Variants in RMDN2 observed in about 807,000 individuals in gnomAD.
RMDN2 encodes the protein regulator of microtubule dynamics 2.
Under a neutral mutation model 52.8 loss-of-function variants are expected in RMDN2, and 61 were observed. That is an observed-to-expected ratio of 1.16 (90% CI 0.94 to 1.43). The LOEUF is 1.43. Among genes scored for constraint, RMDN2 ranks in the 40% most tolerant of loss-of-function variants. The pLI is 0.00. For missense variants in RMDN2, 592 were observed against 475.3 expected, an observed-to-expected ratio of 1.25 and a Z score of -2.28; for synonymous variants, 180 against 153.1, an observed-to-expected ratio of 1.18 and a Z score of -1.30.
intron 7 of RMDN2, among the ~76,000 whole-genome samples, chr2:37,995,009 AG>A (rs894254890): frequency 2.2e-4 from 34 of 152,168 alleles, no homozygotes; most frequent in Admixed American, 6.5e-5. Context: ...TTGACAGCAA[AG>A]GGGTATGAGA....
chr2:38,009,195 T>C (rs114532484), intron 10 of RMDN2, among the ~76,000 whole-genome samples: 19,845 of 152,222 alleles, frequency 0.13, 1,527 homozygotes, highest in Non-Finnish European at 0.17. Context: ...GGAGTTAGTC[T>C]TCTCGAGGAG....
intron 5 of RMDN2, among the ~76,000 whole-genome samples, chr2:37,982,179 C>T (rs772604146): frequency 2.0e-5 from 3 of 152,180 alleles, no homozygotes; most frequent in Non-Finnish European, 4.4e-5. Context: ...GACTCCCTTT[C>T]CACAGGTCCA....
intron 10 of RMDN2, 32 bp downstream of exon 10, chr2:38,004,248 G>A: frequency 6.9e-7 from 1 of 1,440,602 alleles, no homozygotes. Context: ...GAGTGCTGTT[G>A]TCTTGTTAGT....
At chr2:37,924,590 T>C (rs1293802358), upstream of RMDN2, among the ~76,000 whole-genome samples, 1 of 151,774 alleles carries the variant, frequency 6.6e-6, no homozygotes, top group Non-Finnish European at 1.5e-5. Context: ...TGGTCTCGAA[T>C]TCCTGACCTC....
At chr2:38,019,882 G>A (rs1679208439), downstream of RMDN2, among the ~76,000 whole-genome samples, 1 of 152,074 alleles carries the variant, frequency 6.6e-6, no homozygotes, top group South Asian at 2.1e-4. Context: ...CTGTAATTGC[G>A]CCACTACACT....
intron 2 of RMDN2, among the ~76,000 whole-genome samples, chr2:37,959,460 C>T (rs983366278): frequency 2.0e-5 from 3 of 151,020 alleles, no homozygotes; most frequent in African/African-American, 7.4e-5. Flanking sequence ...ATAGTACTCT[C>T]TGATGGTAGT....
Position 38,017,497 on chromosome 2 carries a change from A to G in RMDN2, c.*258A>G. On this transcript the variant is annotated 3_prime_UTR_variant, in exon 11 of 11. Transcript: ENST00000354545. ...TATATTTTTCTTATCAATAAACTGC[A>G]GCCTTAAGAATATTTCTTTAAATAA... 9.2e-7 allele frequency: 1 copy of G among 1,082,010 alleles called. No homozygotes were observed. Among genetic ancestry groups the G allele is most frequent in the Non-Finnish European group, 1.2e-6 (1 of 811,744 alleles). The allele number at this position is 1,082,010 out of a possible 1,614,324, so 67.0% of individuals were successfully genotyped here.
chr2:38,030,503 T>C (rs1042205964), intron 10 of RMDN2: 3 of 152,210 alleles, frequency 2.0e-5, no homozygotes, highest in African/African-American at 7.2e-5. Context: ...AAGTAAAAGA[T>C]GACTGATGAT....
chr2:38,006,808 T>A (rs1677159820), intron 10 of RMDN2, among the ~76,000 whole-genome samples: 1 of 152,138 alleles, frequency 6.6e-6, no homozygotes, highest in South Asian at 2.1e-4. Flanking sequence ...TGCTTCCAGT[T>A]TTTGCCCATT....
intron 9 of RMDN2, 37 bp from the exon 10 acceptor site, chr2:38,004,099 C>T (rs569880003): frequency 4.7e-5 from 75 of 1,605,962 alleles, no homozygotes; most frequent in East Asian, 4.0e-4. Flanking sequence ...CGCATAAAAA[C>T]GGATTATGTT....
chr2:38,047,575 C>T (rs764886710), intron 10 of RMDN2, among the ~76,000 whole-genome samples: 1 of 152,210 alleles, frequency 6.6e-6, no homozygotes, highest in East Asian at 1.9e-4. Flanking sequence ...AGATGTCTTT[C>T]TTACCACTTA....
At chr2:37,966,148 G>T (rs927800513) in intron 2 of RMDN2, among the ~76,000 whole-genome samples, 1 of 152,158 alleles carries the variant, frequency 6.6e-6, no homozygotes, top group African/African-American at 2.4e-5. Flanking sequence ...GTGGCCGGGC[G>T]TGGTGGCTCA....
rs990751763 is a variant in RMDN2 at position 37,925,333 on chromosome 2, C to G, written c.-109C>G. The G allele has an allele frequency of 1.3e-5, 2 of 152,238 alleles. No homozygotes were observed. The highest frequency in any genetic ancestry group is 2.9e-5 in the Non-Finnish European group (2 of 68,080). The allele number at this position is 152,238 out of a possible 1,614,324, so 9.4% of individuals were successfully genotyped here. ...CCGCGGCGCGGGACCTTAGGACCCG[C>G]GGGCTCCAGGGCTACTGTCCGTCCG... On this transcript the variant is annotated 5_prime_UTR_variant, in exon 1 of 11. Transcript: ENST00000354545.
chr2:38,040,943 G>A (rs921245633), intron 10 of RMDN2, among the ~76,000 whole-genome samples: 3 of 152,052 alleles, frequency 2.0e-5, no homozygotes, highest in African/African-American at 7.2e-5. Context: ...TATTTTGTTA[G>A]ATTTTTACCT....
intron 10 of RMDN2, among the ~76,000 whole-genome samples, chr2:38,063,898 T>C (rs1204769679): frequency 6.6e-6 from 1 of 152,212 alleles, no homozygotes; most frequent in East Asian, 1.9e-4. Context: ...TTTGTAGTAG[T>C]ATTTCACTGT....
At chr2:37,996,571 A>C (rs760061871) in intron 7 of RMDN2, among the ~76,000 whole-genome samples, 3 of 148,010 alleles carry the variant, frequency 2.0e-5, no homozygotes, top group Non-Finnish European at 4.5e-5. Context: ...AGCCTGAGCA[A>C]CAAGGTGAGA....
chr2:37,945,490 A>G (rs563186626), intron 2 of RMDN2, among the ~76,000 whole-genome samples: 6 of 152,312 alleles, frequency 3.9e-5, no homozygotes, highest in South Asian at 2.1e-4. Flanking sequence ...CAGCACATCT[A>G]CAAATGAATC....
At chr2:38,038,560 T>C (rs1278627529) in intron 10 of RMDN2, among the ~76,000 whole-genome samples, 1 of 152,186 alleles carries the variant, frequency 6.6e-6, no homozygotes, top group Non-Finnish European at 1.5e-5. Flanking sequence ...AGCTAAAGCC[T>C]CAGCTTTTTA....
At chr2:37,981,386 C>A in intron 5 of RMDN2, 43 bp downstream of exon 5, 1 of 1,261,260 alleles carries the variant, frequency 7.9e-7, no homozygotes, top group Non-Finnish European at 1.1e-6. Context: ...TTCTAACCTG[C>A]CTCTTTATAA....
Sources: allele counts gnomAD v4.1 joint callset (sites outside exome capture counted in the v4.1 genomes callset), GRCh38; gene constraint gnomAD v4.1.1; transcripts MANE v1.5; gene names NCBI Gene and HGNC (gene_info 2026-07-23, HGNC 2026-07-21).